Variants in RHOA observed in about 807,000 individuals in gnomAD.
The protein encoded by RHOA is transforming protein RhoA.
RHOA carries 3 observed loss-of-function variants against 17.5 expected under a neutral mutation model. The ratio of observed to expected loss-of-function variants is 0.17; its 90% CI spans 0.08 to 0.44. The LOEUF is 0.44. Among genes scored for constraint, RHOA ranks in the 20% least tolerant of loss-of-function variants. RHOA has a pLI of 0.99. For missense variants in RHOA, 56 were observed against 242.3 expected (o/e 0.23, Z 5.10); for synonymous variants, 98 against 88.4 (o/e 1.11, Z -0.61).
At chr3:49,383,059 GAA>G (rs1217085774) in intron 1 of RHOA, among the ~76,000 whole-genome samples, 1 of 135,866 alleles carries the variant, frequency 7.4e-6, no homozygotes, top group Non-Finnish European at 1.6e-5. Context: ...CATCGTATCA[GAA>G]AAAAAAAAAG....
At chr3:49,369,927 C>T (rs2048124687) in intron 2 of RHOA, among the ~76,000 whole-genome samples, 2 of 151,882 alleles carry the variant, frequency 1.3e-5, no homozygotes, top group South Asian at 2.1e-4. Context: ...ATTAGCTGGG[C>T]GTGGTGAAGC....
At chr3:49,401,837 C>T (rs555221465) in intron 1 of RHOA, among the ~76,000 whole-genome samples, 2 of 152,222 alleles carry the variant, frequency 1.3e-5, no homozygotes, top group South Asian at 4.1e-4. Context: ...TGAAAGGCAC[C>T]ACTAGGCATT....
At chr3:49,376,444 C>T (rs1299248766) in intron 1 of RHOA, among the ~76,000 whole-genome samples, 1 of 150,076 alleles carries the variant, frequency 6.7e-6, no homozygotes, top group Non-Finnish European at 1.5e-5. Context: ...GAGATCGAGA[C>T]CATCCTGGCT....
chr3:49,365,588 C>CTTT (rs62741361), intron 3 of RHOA, among the ~76,000 whole-genome samples: 2 of 124,964 alleles, frequency 1.6e-5, no homozygotes, highest in African/African-American at 5.9e-5. Flanking sequence ...AATTTTCAAA[C>CTTT]TTTTTTTTTT....
At chr3:49,395,010 G>A (rs1559512968) in intron 1 of RHOA, among the ~76,000 whole-genome samples, 1 of 151,988 alleles carries the variant, frequency 6.6e-6, no homozygotes, top group South Asian at 2.1e-4. Flanking sequence ...AGCACTTTGG[G>A]AGGCCGAGGC....
intron 1 of RHOA, among the ~76,000 whole-genome samples, chr3:49,400,258 C>T (rs2048701522): frequency 6.6e-6 from 1 of 151,192 alleles, no homozygotes; most frequent in Non-Finnish European, 1.5e-5. Flanking sequence ...AGCATACTGC[C>T]CCCCTCTCCC....
intron 1 of RHOA, among the ~76,000 whole-genome samples, chr3:49,392,909 G>C (rs2048533136): frequency 1.3e-5 from 2 of 152,160 alleles, no homozygotes; most frequent in Non-Finnish European, 2.9e-5. Flanking sequence ...AGGCGTGATG[G>C]CTCACTTCTG....
intron 1 of RHOA, among the ~76,000 whole-genome samples, chr3:49,393,375 T>G (rs1170082324): frequency 6.6e-6 from 1 of 151,630 alleles, no homozygotes; most frequent in Non-Finnish European, 1.5e-5. Flanking sequence ...GACGTAATTA[T>G]GGCTCACTGC....
chr3:49,369,012 T>G (rs1212381326), intron 2 of RHOA, among the ~76,000 whole-genome samples: 2 of 49,908 alleles, frequency 4.0e-5, no homozygotes, highest in Admixed American at 3.4e-4. Flanking sequence ...TGGCCTTTTT[T>G]TTTTTTTTTT....
chr3:49,391,230 AG>A (rs57164274), intron 1 of RHOA, among the ~76,000 whole-genome samples: 54,190 of 140,142 alleles, frequency 0.39, 12,029 homozygotes, highest in East Asian at 0.91. Context: ...AAAAAAAAAA[AG>A]AAATACAAAA....
chr3:49,391,692 G>A (rs754664850), intron 1 of RHOA, among the ~76,000 whole-genome samples: 1 of 151,916 alleles, frequency 6.6e-6, no homozygotes, highest in Non-Finnish European at 1.5e-5. Flanking sequence ...TGTATTTTTA[G>A]TAGAGACGGG....
intron 3 of RHOA, among the ~76,000 whole-genome samples, chr3:49,368,222 A>G (rs1370977098): frequency 6.6e-6 from 1 of 152,072 alleles, no homozygotes; most frequent in African/African-American, 2.4e-5. Flanking sequence ...CTAGGTGGAT[A>G]CATTTTAAAT....
intron 1 of RHOA, among the ~76,000 whole-genome samples, chr3:49,404,570 C>T (rs1293590751): frequency 7.9e-6 from 1 of 126,826 alleles, no homozygotes; most frequent in Non-Finnish European, 1.6e-5. Context: ...CGAGATTGTG[C>T]CACTACACTC....
intron 1 of RHOA, among the ~76,000 whole-genome samples, chr3:49,410,309 T>A (rs1291340463): frequency 6.6e-6 from 1 of 152,182 alleles, no homozygotes. Context: ...AGTTTGCTCA[T>A]CTGCAAATGG....
intron 1 of RHOA, among the ~76,000 whole-genome samples, chr3:49,409,290 G>A (rs1425861909): frequency 6.6e-6 from 1 of 151,998 alleles, no homozygotes; most frequent in Non-Finnish European, 1.5e-5. Context: ...AGCTACTCCA[G>A]GGGCCGAGGC....
intron 4 of RHOA, 51 bp from the exon 5 acceptor site, chr3:49,360,433 T>TA: frequency 6.6e-7 from 1 of 1,524,102 alleles, no homozygotes; most frequent in Non-Finnish European, 8.8e-7. Flanking sequence ...GGCATACATA[T>TA]AGTAAGTAAA....
intron 2 of RHOA, among the ~76,000 whole-genome samples, chr3:49,370,797 G>T (rs543020058): frequency 1.7e-4 from 26 of 152,138 alleles, no homozygotes; most frequent in African/African-American, 6.3e-4. Flanking sequence ...CTGTACAGAG[G>T]CCCTTTGAGG....
chr3:49,373,236 C>T (rs1279014251), intron 2 of RHOA: 4 of 199,408 alleles, frequency 2.0e-5, no homozygotes, highest in African/African-American at 2.4e-5. Flanking sequence ...CCCAGCTCCT[C>T]GGGAGGCTGA....
chr3:49,397,106 G>C (rs1453041228), intron 1 of RHOA, among the ~76,000 whole-genome samples: 1 of 149,260 alleles, frequency 6.7e-6, no homozygotes, highest in Non-Finnish European at 1.5e-5. Context: ...CTCCAGCCTG[G>C]GTGACAGAGC....
Sources: gnomAD v4.1 joint callset for allele counts (sites outside exome capture counted in the v4.1 genomes callset) on GRCh38, gnomAD v4.1.1 for gene constraint, MANE v1.5 for transcripts, NCBI Gene and HGNC (gene_info 2026-07-23, HGNC 2026-07-21) for gene names.